LCA5L: variants seen among roughly 807,000 people sequenced by gnomAD.
The protein encoded by LCA5L is lebercilin LCA5 like.
Under a neutral mutation model 45.4 loss-of-function variants are expected in LCA5L, and 35 were observed. That is an observed-to-expected ratio of 0.77 (90% CI 0.59 to 1.02). The LOEUF (loss-of-function observed/expected upper bound fraction) is 1.02. LCA5L is among the 50% of genes least tolerant of loss of function. LCA5L has a pLI of 0.00. For missense variants in LCA5L, 668 were observed against 761.6 expected (o/e 0.88, Z 1.45); for synonymous variants, 233 against 264.7 (o/e 0.88, Z 1.16).
intron 2 of LCA5L, among the ~76,000 whole-genome samples, chr21:39,441,722 T>C (rs76966447): frequency 2.6e-5 from 4 of 152,096 alleles, no homozygotes; most frequent in Non-Finnish European, 5.9e-5. Flanking sequence ...TGCAATGTAC[T>C]GCACTGAGTA....
chr21:39,416,134 C>T (rs997135649), intron 7 of LCA5L, among the ~76,000 whole-genome samples: 2 of 152,152 alleles, frequency 1.3e-5, no homozygotes, highest in Non-Finnish European at 2.9e-5. Context: ...CCCTCACAAA[C>T]GATTTGGTTA....
Position 39,410,294 on chromosome 21 carries a change from T to G in LCA5L, c.1134A>C (p.Gln378His), listed in dbSNP as rs1230415957. ...PFTSMRHQGT[Q>H]KSDVPPLTTK... ...TTGTCAAAGGTGGAACATCTGATTT[T>G]TGGGTTCCCTGGTGTCTCATACTTG... Residue 378 changes from glutamine (Q) to histidine (H), a missense_variant, in exon 9 of 11, where the codon CAA becomes CAC. By Grantham distance (24) the Gln-to-His change is conservative (BLOSUM62 0). Coordinates refer to ENST00000288350, the MANE Select transcript of LCA5L (RefSeq NM_152505.4). The G allele has an allele frequency of 6.2e-7, 1 of 1,609,886 alleles. No individual in the cohort carries two copies. Among genetic ancestry groups the G allele is most frequent in the East Asian group, 2.2e-5 (1 of 44,792 alleles).
chr21:39,415,313 A>C (rs558068969), intron 7 of LCA5L, among the ~76,000 whole-genome samples: 1 of 152,340 alleles, frequency 6.6e-6, no homozygotes, highest in Admixed American at 6.5e-5. Flanking sequence ...TTAAAAATGC[A>C]TAAAATATGT....
chr21:39,444,161 A>G lies in LCA5L; in HGVS notation c.-272T>C, dbSNP rs994277075. 1.3e-5 allele frequency: 2 copies of G among 152,142 alleles called. No homozygotes were observed. The highest frequency in any genetic ancestry group is 1.3e-4 in the Admixed American group (2 of 15,274). 9.4% of individuals were successfully genotyped at this position (152,142 alleles called of 1,614,324 possible). A position where few individuals can be genotyped will look rare whatever the true frequency, so the allele number is the denominator to read the frequency against. On this transcript the variant is annotated 5_prime_UTR_variant, in exon 2 of 11. Transcript: ENST00000288350. ...ATTCAAAATGATCAGCATACGGATG[A>G]TCATTTGTCTGCATCTCAGTTTGCC...
rs115840895 is a variant in LCA5L, at chr21:39,428,945, C to T, written c.-11+186G>A. 1.9e-3 allele frequency among the ~76,000 whole-genome samples: 292 copies of T among 151,906 alleles called. 1 individual carries two copies. The highest frequency in any genetic ancestry group is 6.9e-3 in the African/African-American group (284 of 41,436). ...ATAAACTTTGAATACTTTCAATAAG[C>T]CCTCTTAGTTGTCTAAAGTGATAAT... On this transcript the variant is annotated intron_variant, in intron 4 of 10. Coordinates refer to ENST00000288350, the MANE Select transcript of LCA5L (RefSeq NM_152505.4).
chr21:39,419,532 AAAAG>A lies in LCA5L; in HGVS notation c.975+1170_975+1173del, dbSNP rs1167905127. Among the ~76,000 whole-genome samples, 46 of 138,388 alleles carry A rather than the reference AAAAG, an allele frequency of 3.3e-4. 1 individual carries two copies. Among genetic ancestry groups the A allele is most frequent in the African/African-American group, 8.1e-4 (24 of 29,448 alleles). 90.8% of individuals were successfully genotyped at this position (138,388 alleles called of 152,430 possible). On this transcript the variant is annotated intron_variant, in intron 7 of 10. Coordinates refer to ENST00000288350, the MANE Select transcript of LCA5L (RefSeq NM_152505.4). ...AGAGCAAGACCCTGTTCAAAAAAAA[AAAAG>A]AAAAAAGAAAAAAGAAAGAAAGGGA...
Position 39,428,348 on chromosome 21 carries a change from A to G in LCA5L, c.146T>C (p.Val49Ala). 1.2e-6 allele frequency: 2 copies of G among 1,613,600 alleles called. No homozygotes were observed. The highest frequency in any genetic ancestry group is 1.7e-6 in the Non-Finnish European group (2 of 1,179,882). ...GGAGCACTGAGATCTGCTATAATCA[A>G]CACTCTTATTGGAAGCATTACTGTT... ...SRNSNASNKS[V>A]DYSRSQCSCG... Residue 49 changes from valine to alanine, a missense_variant, in exon 5 of 11, where the codon GTT becomes GCT. Coordinates refer to ENST00000288350, the MANE Select transcript of LCA5L (RefSeq NM_152505.4).
rs1293428706 is a variant in LCA5L, at chr21:39,406,418, A to G, written c.1477T>C (p.Phe493Leu). 2 of 1,614,042 alleles carry G rather than the reference A, an allele frequency of 1.2e-6. No homozygotes were observed. The highest frequency in any genetic ancestry group is 2.2e-5 in the East Asian group (1 of 44,886). Residue 493 changes from phenylalanine to leucine, a missense_variant, in exon 11 of 11, where the codon TTT (phenylalanine) becomes CTT (leucine). Physicochemically the swap from Phe to Leu is conservative, Grantham distance 22. Coordinates refer to ENST00000288350, the MANE Select transcript of LCA5L (RefSeq NM_152505.4). ...CCATTTCTCTGCATGCTTCTTTTAA[A>G]CTTTTCTCTTACTAGAACATCTTCT... ...NQEDVLVREK[F>L]KRSMQRNGVD...
intron 3 of LCA5L, among the ~76,000 whole-genome samples, chr21:39,430,974 C>G (rs1258956917): frequency 1.3e-5 from 2 of 152,092 alleles, no homozygotes; most frequent in Non-Finnish European, 1.5e-5. Context: ...AAAGTAGAAG[C>G]CTAGCCATCT....
intron 3 of LCA5L, among the ~76,000 whole-genome samples, chr21:39,430,098 A>C (rs766956629): frequency 2.0e-5 from 3 of 152,126 alleles, no homozygotes; most frequent in Non-Finnish European, 4.4e-5. Flanking sequence ...AAAGACTACA[A>C]ATGCTCCCGT....
intron 7 of LCA5L, among the ~76,000 whole-genome samples, 184 bp downstream of exon 7, chr21:39,420,522 C>CAAAAAAAAAAAAAAAAAA (rs397972848): frequency 1.1e-5 from 1 of 87,140 alleles, no homozygotes; most frequent in Non-Finnish European, 2.0e-5. Context: ...GATTCTATCT[C>CAAAAAAAAAAAAAAAAAA]AAAAAAAAAA....
Position 39,423,314 on chromosome 21 carries a change from C to T in LCA5L, c.499G>A (p.Ala167Thr), listed in dbSNP as rs748496581. 1 of 1,611,370 alleles carries T rather than the reference C, an allele frequency of 6.2e-7. No homozygotes were observed. Among genetic ancestry groups the T allele is most frequent in the South Asian group, 1.1e-5 (1 of 90,026 alleles). The change falls in exon 6 of 11, where the codon GCC becomes ACC. Residue 167 changes from alanine (A) to threonine (T), a missense_variant. By Grantham distance (58) the Ala-to-Thr change is moderately conservative (BLOSUM62 0). Coordinates refer to ENST00000288350, the MANE Select transcript of LCA5L (RefSeq NM_152505.4). ...ELADMHHKLE[A>T]ILTENQFLKQ... is the part of the protein sequence containing the mutation. ...AAAAATTGGTTTTCTGTAAGGATGG[C>T]TTCCAATTTATGATGCATATCAGCT...
chr21:39,435,014 A>G (rs1440375903), intron 3 of LCA5L, among the ~76,000 whole-genome samples: 1 of 152,192 alleles, frequency 6.6e-6, no homozygotes, highest in African/African-American at 2.4e-5. Context: ...GTTTGGCAGC[A>G]TTTATATTTT....
At chr21:39,433,765 CTTTTT>C (rs10574657) in intron 3 of LCA5L, among the ~76,000 whole-genome samples, 1 of 136,664 alleles carries the variant, frequency 7.3e-6, no homozygotes, top group Non-Finnish European at 1.6e-5. Context: ...GTTACTGTAG[CTTTTT>C]TTTTTTTTTT....
At chr21:39,417,786 G>A (rs1023700497) in intron 7 of LCA5L, among the ~76,000 whole-genome samples, 2 of 151,850 alleles carry the variant, frequency 1.3e-5, no homozygotes, top group African/African-American at 4.8e-5. Context: ...TTTTTTTTGA[G>A]ATGGAGTCTC....
intron 7 of LCA5L, among the ~76,000 whole-genome samples, chr21:39,418,934 C>A (rs2041788286): frequency 6.6e-6 from 1 of 152,150 alleles, no homozygotes; most frequent in Non-Finnish European, 1.5e-5. Context: ...ATCTTGAAGT[C>A]TCTTCTGTTA....
intron 4 of LCA5L, 41 bp from the exon 5 acceptor site, chr21:39,428,544 AT>A (rs1300672298): frequency 1.2e-6 from 1 of 850,926 alleles, no homozygotes; most frequent in Non-Finnish European, 1.7e-6. Context: ...GTATTTTTGA[AT>A]TTATTGACAT....
rs753928143 is a variant in LCA5L, at chr21:39,420,857, A to G, written c.838-14T>C. The G allele has an allele frequency of 4.4e-6, 7 of 1,588,180 alleles. No individual in the cohort carries two copies. In the Middle Eastern group the frequency reaches 6.7e-4, roughly 152 times the overall value. ...TTTTTCCAAGCTCTGAAAACAGTAT[A>G]TATTATAACTATTCTGCAACCAAGT... On this transcript the variant is annotated splice_polypyrimidine_tract_variant and intron_variant, in intron 6 of 10. Coordinates refer to ENST00000288350, the MANE Select transcript of LCA5L (RefSeq NM_152505.4).
intron 3 of LCA5L, among the ~76,000 whole-genome samples, chr21:39,430,015 AAAACAAACAAAC>A (rs375183140): frequency 7.2e-5 from 11 of 151,854 alleles, no homozygotes; most frequent in African/African-American, 1.9e-4. Context: ...CTCTGTCTCA[AAAACAAACAAAC>A]AAACAAACAA....
Sources: allele counts gnomAD v4.1 joint callset (sites outside exome capture counted in the v4.1 genomes callset), GRCh38; gene constraint gnomAD v4.1.1; transcripts MANE v1.5; gene names NCBI Gene and HGNC (gene_info 2026-07-23, HGNC 2026-07-21).